The following ATP13A4 variants were observed in gnomAD, a reference collection of about 807,000 sequenced individuals.
ATP13A4 encodes the protein probable cation-transporting ATPase 13A4.
ATP13A4 carries 114 observed loss-of-function variants against 142.5 expected under a neutral mutation model. The observed-to-expected ratio is 0.80, with a 90% CI of 0.69 to 0.93. The LOEUF is 0.93. Ranked by LOEUF, ATP13A4 falls within the 40% of genes least tolerant of loss-of-function variation. ATP13A4 has a pLI of 0.00. For synonymous variants in ATP13A4, 488 were observed against 514.8 expected (o/e 0.95, Z 0.70); for missense variants, 1,392 against 1,454.0 (o/e 0.96, Z 0.69).
intron 2 of ATP13A4, among the ~76,000 whole-genome samples, chr3:193,504,579 A>C (rs1720756611): frequency 6.6e-6 from 1 of 152,188 alleles, no homozygotes; most frequent in African/African-American, 2.4e-5. Context: ...GGCACTTAAC[A>C]GTCACCTCCC....
chr3:193,523,982 T>C (rs960560129), intron 1 of ATP13A4, among the ~76,000 whole-genome samples: 5 of 152,176 alleles, frequency 3.3e-5, no homozygotes, highest in African/African-American at 1.2e-4. Flanking sequence ...ATGATCTTTT[T>C]TCCCATGCCC....
rs184403725 is a variant in ATP13A4, at chr3:193,478,862, A to G, written c.808+5074T>C. Among the ~76,000 whole-genome samples, 235 of 152,294 alleles carry G rather than the reference A, an allele frequency of 1.5e-3. 4 individuals carry two copies. In the South Asian group the frequency reaches 0.019, roughly 12 times the overall value. ...GTCCCTGATGAACATAGATGCAAAA[A>G]TCCTCAACAAAATACTAGCTAACTG... On this transcript the variant is annotated intron_variant, in intron 8 of 29. Coordinates refer to ENST00000342695, the MANE Select transcript of ATP13A4 (RefSeq NM_032279.4).
intron 2 of ATP13A4, among the ~76,000 whole-genome samples, chr3:193,566,082 C>T (rs552385760): frequency 3.3e-5 from 5 of 152,248 alleles, no homozygotes; most frequent in South Asian, 4.2e-4. Context: ...CCTCAACTCA[C>T]GAACCTGTGC....
chr3:193,435,691 A>G lies in ATP13A4; in HGVS notation c.2726T>C (p.Leu909Pro). ...ACCAACATACTGAATCATGCTGTAC[A>G]GAGCCATGTACTTAAACATGCAAAA... is the stretch of plus-strand genomic sequence containing the variant. ...TSFCMFKYMALYSMIQYVGVL... is the reference protein window; with the variant it reads ...TSFCMFKYMAPYSMIQYVGVL... Residue 909 changes from leucine (L) to proline (P), a missense_variant, in exon 24 of 30, where the codon CTG becomes CCG. Physicochemically the swap from Leu to Pro is moderately conservative, Grantham distance 98. Transcript: ENST00000342695. 2 of 1,614,186 alleles carry G rather than the reference A, an allele frequency of 1.2e-6. No homozygotes were observed. Among genetic ancestry groups the G allele is most frequent in the Non-Finnish European group, 1.7e-6 (2 of 1,180,028 alleles).
intron 3 of ATP13A4, among the ~76,000 whole-genome samples, chr3:193,499,762 T>G (rs1484870116): frequency 6.6e-6 from 1 of 152,244 alleles, no homozygotes; most frequent in Non-Finnish European, 1.5e-5. Context: ...GGTTCCAATG[T>G]GAGGCCCCTG....
At position 193,468,655 on chromosome 3, in the gene ATP13A4, G is replaced by T. The variant is rs144130655; in HGVS notation, c.944-1169C>A. 2.6e-3 allele frequency among the ~76,000 whole-genome samples: 401 copies of T among 152,300 alleles called. 3 individuals carry two copies. Among genetic ancestry groups the T allele is most frequent in the African/African-American group, 9.0e-3 (372 of 41,552 alleles). ...CCAGCTACTCTGGAGGCTGAAGCAC[G>T]AGAATCACTTGAGCCTGGCAGGTGG... On this transcript the variant is annotated intron_variant, in intron 9 of 29. Transcript: ENST00000342695.
chr3:193,528,230 A>G (rs1250513106), intron 1 of ATP13A4, among the ~76,000 whole-genome samples: 1 of 152,194 alleles, frequency 6.6e-6, no homozygotes, highest in African/African-American at 2.4e-5. Context: ...CAGGAATGGG[A>G]GCTAGCCTGC....
rs569614991 is a variant in ATP13A4, at chr3:193,541,021, G to A, written c.60+13719C>T. Among the ~76,000 whole-genome samples the A allele has an allele frequency of 1.1e-4, 17 of 152,068 alleles. No homozygotes were observed. In the East Asian group the frequency reaches 1.2e-3, roughly 10 times the overall value. ...TCCCAGCACTTTGGGAGGCCGAGGCGGGCAAATCGCGAGGTCAGGAGATCG... is the reference window on the plus strand; with the variant it reads ...TCCCAGCACTTTGGGAGGCCGAGGCAGGCAAATCGCGAGGTCAGGAGATCG... On this transcript the variant is annotated intron_variant, in intron 1 of 29. Coordinates refer to ENST00000342695, the MANE Select transcript of ATP13A4 (RefSeq NM_032279.4).
chr3:193,413,019 T>C (rs184036299), intron 26 of ATP13A4, among the ~76,000 whole-genome samples: 1 of 152,162 alleles, frequency 6.6e-6, no homozygotes, highest in Admixed American at 6.5e-5. Context: ...AGAGACTCCA[T>C]CTCTATAACA....
At chr3:193,462,677 T>C in intron 13 of ATP13A4, 85 bp downstream of exon 13, 1 of 1,311,004 alleles carries the variant, frequency 7.6e-7, no homozygotes, top group Non-Finnish European at 1.1e-6. Context: ...TCCAAATGTC[T>C]CCATTCTTAA....
At chr3:193,486,278 A>T (rs1719611806) in intron 7 of ATP13A4, among the ~76,000 whole-genome samples, 1 of 152,138 alleles carries the variant, frequency 6.6e-6, no homozygotes, top group African/African-American at 2.4e-5. Context: ...GTTTATTGTA[A>T]GACCAATGGG....
At chr3:193,417,326 T>C (rs1446520906) in intron 25 of ATP13A4, among the ~76,000 whole-genome samples, 1 of 152,226 alleles carries the variant, frequency 6.6e-6, no homozygotes, top group Non-Finnish European at 1.5e-5. Context: ...TCAGCAAATA[T>C]AAATGCTGAT....
At chr3:193,591,624 T>A (rs1257375875) in intron 1 of ATP13A4, among the ~76,000 whole-genome samples, 4 of 152,180 alleles carry the variant, frequency 2.6e-5, no homozygotes, top group Admixed American at 2.0e-4. Context: ...GAAATAAACA[T>A]CATCATGCAT....
intron 1 of ATP13A4, among the ~76,000 whole-genome samples, chr3:193,539,224 T>A (rs550592847): frequency 1.3e-5 from 2 of 152,186 alleles, no homozygotes. Flanking sequence ...GTGGGCCATA[T>A]GTCCCCAAGG....
At chr3:193,451,472 G>A (rs895626053) in intron 17 of ATP13A4, among the ~76,000 whole-genome samples, 2 of 152,156 alleles carry the variant, frequency 1.3e-5, no homozygotes, top group Non-Finnish European at 2.9e-5. Context: ...TCTTTGGCTG[G>A]TAAACAAGTT....
At chr3:193,429,788 TACC>T (rs1241373900) in intron 25 of ATP13A4, among the ~76,000 whole-genome samples, 1 of 151,992 alleles carries the variant, frequency 6.6e-6, no homozygotes, top group East Asian at 1.9e-4. Context: ...TATATAATTT[TACC>T]ACAAGAAAAA....
At position 193,554,615 on chromosome 3, in the gene ATP13A4, G is replaced by A. The variant is rs1188404629; in HGVS notation, c.60+125C>T. The stretch of plus-strand genomic sequence containing the variant: ...TGACCTTTTCTCGTGTAATACCAGA[G>A]TGAAATTTTAGAAAAGTCTGTGTGT... On this transcript the variant is annotated intron_variant, in intron 1 of 29. Coordinates refer to ENST00000342695, the MANE Select transcript of ATP13A4 (RefSeq NM_032279.4). 3.2e-6 allele frequency: 4 copies of A among 1,267,960 alleles called. No homozygotes were observed. In the East Asian group the frequency reaches 9.3e-5, roughly 29 times the overall value. 78.5% of individuals were successfully genotyped at this position (1,267,960 alleles called of 1,614,324 possible).
rs143393970 is a variant in ATP13A4, at chr3:193,400,876, T to G, written c.*1776A>C. Among the ~76,000 whole-genome samples, 623 of 152,302 alleles carry G rather than the reference T, an allele frequency of 4.1e-3. 8 individuals are homozygous for G. Among genetic ancestry groups the G allele is most frequent in the African/African-American group, 0.014 (588 of 41,552 alleles). ...TACTTTTGGAAAATGAGAAACACTT[T>G]TAGAGAAGGACATTCAGAACTGCCA... is the stretch of plus-strand genomic sequence containing the variant. On this transcript the variant is annotated 3_prime_UTR_variant, in exon 30 of 30. Coordinates refer to ENST00000342695, the MANE Select transcript of ATP13A4 (RefSeq NM_032279.4).
intron 28 of ATP13A4, among the ~76,000 whole-genome samples, chr3:193,408,121 C>A (rs547459267): frequency 6.6e-6 from 1 of 152,340 alleles, no homozygotes. Flanking sequence ...GAAAAAGTGC[C>A]AAGGGCATCC....
Sources: allele counts gnomAD v4.1 joint callset (sites outside exome capture counted in the v4.1 genomes callset), GRCh38; gene constraint gnomAD v4.1.1; transcripts MANE v1.5; gene names NCBI Gene and HGNC (gene_info 2026-07-23, HGNC 2026-07-21).